Variants in LRP2 observed in about 807,000 individuals in gnomAD.
LRP2 encodes the protein LDL receptor related protein 2, also known as low-density lipoprotein receptor-related protein 2.
In LRP2, 172 loss-of-function variants were observed where a neutral mutation model predicts 531.0. The observed-to-expected ratio is 0.32, with a 90% CI of 0.29 to 0.37. The LOEUF (loss-of-function observed/expected upper bound fraction) is 0.37, where lower values mean the gene tolerates loss of function less well. LRP2 is among the 10% of genes least tolerant of loss of function. The probability of loss-of-function intolerance (pLI) is 1.00; values close to 1 mark genes in which losing one functional copy is unlikely to be tolerated. For synonymous variants in LRP2, 1,992 were observed against 2,027.6 expected (o/e 0.98, Z 0.47); for missense variants, 5,167 against 5,868.3 (o/e 0.88, Z 3.90).
rs372684810 is a variant in LRP2, at chr2:169,294,573, A to G, written c.538+27T>C. ...CAGTATAAACCAGCTTCAGCACACA[A>G]CTGCACATCTTGTGCACAATACTTA... is the stretch of plus-strand genomic sequence containing the variant. On this transcript the variant is annotated intron_variant, in intron 5 of 78. Coordinates refer to ENST00000649046, the MANE Select transcript of LRP2 (RefSeq NM_004525.3). 49 of 1,494,802 alleles carry G rather than the reference A, an allele frequency of 3.3e-5. No homozygotes were observed. In the East Asian group the frequency reaches 1.0e-3, roughly 32 times the overall value. 92.6% of individuals were successfully genotyped at this position (1,494,802 alleles called of 1,614,324 possible). A position where few individuals can be genotyped will look rare whatever the true frequency, so the allele number is the denominator to read the frequency against.
rs954045729 is a variant in LRP2, at chr2:169,352,111, G to C, written c.79+10210C>G. 2.6e-5 allele frequency among the ~76,000 whole-genome samples: 4 copies of C among 152,192 alleles called. 1 individual carries two copies. Among genetic ancestry groups the C allele is most frequent in the African/African-American group, 7.2e-5 (3 of 41,450 alleles). On this transcript the variant is annotated intron_variant, in intron 1 of 78. Transcript: ENST00000649046. ...CTCTAGAAGCCAGTGGGCTGTGTCA[G>C]GGGTGTTCTGAGATGAATTCAGATT... is the stretch of plus-strand genomic sequence containing the variant.
intron 70 of LRP2, among the ~76,000 whole-genome samples, chr2:169,144,069 C>T (rs1211707499): frequency 6.6e-6 from 1 of 152,152 alleles, no homozygotes; most frequent in Non-Finnish European, 1.5e-5. Context: ...CTGGGGTGGG[C>T]CTGAGAGACT....
Position 169,154,514 on chromosome 2 carries a change from C to A in LRP2, c.12241G>T (p.Glu4081Ter). The A allele has an allele frequency of 6.2e-7, 1 of 1,612,794 alleles. No homozygotes were observed. Among genetic ancestry groups the A allele is most frequent in the Non-Finnish European group, 8.5e-7 (1 of 1,178,900 alleles). The change falls in exon 66 of 79, where the codon GAG (glutamate) becomes TAG (stop). Residue 4081 changes from glutamate to a stop codon, truncating the protein, a stop_gained. Transcript: ENST00000649046. LOFTEE classifies it high-confidence loss of function. Reference sequence around the variant, plus strand: ...TAATCAACAGCTTGGATATATTCCTCATCTTGAAGATACTCTGAGAACCTC... The same window carrying A: ...TAATCAACAGCTTGGATATATTCCTAATCTTGAAGATACTCTGAGAACCTC... The part of the protein sequence containing the change: ...SERFSEYLQD[E>*]EYIQAVDYDW...
In LRP2 at chr2:169,241,224, GT is replaced by G; in HGVS notation, c.3808del (p.Thr1270LeufsTer30). 6.2e-7 allele frequency: 1 copy of G among 1,614,208 alleles called. No individual in the cohort carries two copies. The highest frequency in any genetic ancestry group is 8.5e-7 in the Non-Finnish European group (1 of 1,180,036). On this transcript the variant is annotated frameshift_variant, in exon 25 of 79. Coordinates refer to ENST00000649046, the MANE Select transcript of LRP2 (RefSeq NM_004525.3). LOFTEE classifies it high-confidence loss of function. ...ACAGTGGAAATATGATGAAGGGCAAGTCTTGGGGACACAGGCATTGTGCTCA... is the reference window on the plus strand; with the variant it reads ...ACAGTGGAAATATGATGAAGGGCAAGCTTGGGGACACAGGCATTGTGCTCA... ...SDEHNACVPK[T>X]CPSSYFHCDN... is the part of the protein sequence containing the mutation.
chr2:169,248,502 T>C (rs2105396944), intron 19 of LRP2, among the ~76,000 whole-genome samples: 1 of 152,364 alleles, frequency 6.6e-6, no homozygotes, highest in East Asian at 1.9e-4. Context: ...AATAAATCTT[T>C]TAGTTCTGTG....
At chr2:169,205,814 T>C (rs1013789843) in intron 40 of LRP2, among the ~76,000 whole-genome samples, 177 bp from the exon 41 acceptor site, 2 of 152,182 alleles carry the variant, frequency 1.3e-5, no homozygotes, top group Admixed American at 6.5e-5. Flanking sequence ...GTTGACTTCC[T>C]AGTATGTTGC....
At chr2:169,358,910 A>AAG (rs955551925) in intron 1 of LRP2, among the ~76,000 whole-genome samples, 4 of 151,108 alleles carry the variant, frequency 2.6e-5, no homozygotes, top group African/African-American at 9.7e-5. Flanking sequence ...AAAAAAAAAA[A>AAG]AAAAAAGAAA....
chr2:169,167,906 C>T (rs1686841239), intron 61 of LRP2, among the ~76,000 whole-genome samples: 1 of 150,878 alleles, frequency 6.6e-6, no homozygotes, highest in South Asian at 2.1e-4. Context: ...GGAGATTCTG[C>T]TCCATCAGGT....
chr2:169,299,550 A>AC (rs1193464006), intron 4 of LRP2, among the ~76,000 whole-genome samples: 3 of 151,980 alleles, frequency 2.0e-5, no homozygotes, highest in Non-Finnish European at 2.9e-5. Context: ...AAAAAAAAAA[A>AC]AACTCACACA....
intron 1 of LRP2, 73 bp from the exon 2 acceptor site, chr2:169,320,957 T>C: frequency 9.0e-7 from 1 of 1,114,772 alleles, no homozygotes; most frequent in South Asian, 1.3e-5. Flanking sequence ...AAATTTTTGA[T>C]AAAATGAAAA....
intron 48 of LRP2, among the ~76,000 whole-genome samples, chr2:169,188,877 A>G (rs919401330): frequency 6.6e-6 from 1 of 152,124 alleles, no homozygotes; most frequent in Admixed American, 6.5e-5. Context: ...TGTTCCTTCC[A>G]TCTTTCATTA....
intron 2 of LRP2, 149 bp from the exon 3 acceptor site, chr2:169,319,033 G>T: frequency 1.0e-6 from 1 of 977,386 alleles, no homozygotes; most frequent in African/African-American, 1.6e-5. Flanking sequence ...TAGAGTCTGT[G>T]GACGCCAGTC....
rs1325736906 is a variant in LRP2, at chr2:169,270,791, T to TA, written c.2320+112dup. The stretch of plus-strand genomic sequence containing the variant: ...ATAAATAAATAAATAAATAAATAAA[T>TA]AAGACTGCTTAAAAATTAGATACTG... On this transcript the variant is annotated intron_variant, in intron 16 of 78. Coordinates refer to ENST00000649046, the MANE Select transcript of LRP2 (RefSeq NM_004525.3). 10 of 482,112 alleles carry TA rather than the reference T, an allele frequency of 2.1e-5. No homozygotes were observed. The African/African-American group carries it at 2.3e-4, about 11-fold the overall frequency. The allele number at this position is 482,112 out of a possible 1,614,324, so 29.9% of individuals were successfully genotyped here.
chr2:169,345,844 C>T (rs1439117716), intron 1 of LRP2, among the ~76,000 whole-genome samples: 2 of 151,028 alleles, frequency 1.3e-5, no homozygotes, highest in Non-Finnish European at 2.9e-5. Flanking sequence ...TTAGCAGAAC[C>T]ACTGCTTCTC....
chr2:169,318,619 A>G, intron 3 of LRP2, 143 bp downstream of exon 3: 1 of 1,120,618 alleles, frequency 8.9e-7, no homozygotes, highest in Non-Finnish European at 1.3e-6. Context: ...CCCCTGAATG[A>G]GATTGCTGGC....
chr2:169,309,813 G>A (rs1684541145), intron 3 of LRP2, among the ~76,000 whole-genome samples: 1 of 152,132 alleles, frequency 6.6e-6, no homozygotes, highest in Non-Finnish European at 1.5e-5. Context: ...ATTACCTTGG[G>A]CAGTATGGCC....
intron 21 of LRP2, among the ~76,000 whole-genome samples, chr2:169,245,870 G>A (rs539612528): frequency 1.1e-4 from 16 of 152,098 alleles, no homozygotes; most frequent in Non-Finnish European, 1.9e-4. Flanking sequence ...TGTTGTTGTT[G>A]TTTGTTTGCT....
At chr2:169,241,391 G>T in intron 24 of LRP2, 26 bp from the exon 25 acceptor site, 1 of 1,613,034 alleles carries the variant, frequency 6.2e-7, no homozygotes. Context: ...GGGGTAAATC[G>T]GCTTGTGAAT....
intron 1 of LRP2, among the ~76,000 whole-genome samples, chr2:169,328,441 T>TAAAAAAAAAAAAAAAAAAAAA (rs537210492): frequency 2.0e-5 from 1 of 49,144 alleles, no homozygotes; most frequent in African/African-American, 7.4e-5. Flanking sequence ...CGGGCCGGGA[T>TAAAAAAAAAAAAAAAAAAAAA]AAAAAAAAAA....
Sources: gnomAD v4.1 joint callset for allele counts (sites outside exome capture counted in the v4.1 genomes callset) on GRCh38, gnomAD v4.1.1 for gene constraint, MANE v1.5 for transcripts, NCBI Gene and HGNC (gene_info 2026-07-23, HGNC 2026-07-21) for gene names.